SYNJ2BP: variants seen among roughly 807,000 people sequenced by gnomAD.
The protein encoded by SYNJ2BP is synaptojanin-2-binding protein.
Under a neutral mutation model 16.9 loss-of-function variants are expected in SYNJ2BP, and 10 were observed. That is an observed-to-expected ratio of 0.59 (90% confidence interval 0.36 to 1.00). SYNJ2BP has a LOEUF of 1.00. Ranked by LOEUF, SYNJ2BP falls within the 50% of genes least tolerant of loss-of-function variation. The pLI, the probability that SYNJ2BP is intolerant of heterozygous loss-of-function variation, is 0.01. For missense variants in SYNJ2BP, 162 were observed against 186.7 expected (o/e 0.87, Z 0.77); for synonymous variants, 54 against 68.4 (o/e 0.79, Z 1.04).
Position 70,373,077 on chromosome 14 carries a change from T to C in SYNJ2BP, c.352A>G (p.Ile118Val). The C allele has an allele frequency of 6.2e-7, 1 of 1,614,184 alleles. No individual in the cohort carries two copies. Among genetic ancestry groups the C allele is most frequent in the Non-Finnish European group, 8.5e-7 (1 of 1,180,034 alleles). The change falls in exon 4 of 4, where the codon ATT (isoleucine) becomes GTT (valine). Residue 118 changes from isoleucine (I) to valine (V), a missense_variant. Transcript: ENST00000256366. Reference sequence around the variant, plus strand: ...GGCACCAGCACCATAAATATGGGAATACCACTTGGGTCCCCTTCACCTCGA... The same window carrying C: ...GGCACCAGCACCATAAATATGGGAACACCACTTGGGTCCCCTTCACCTCGA... ...GHRGEGDPSG[I>V]PIFMVLVPVF...
rs1887468966 is a variant in SYNJ2BP, at chr14:70,369,396, A to G, written c.*3595T>C. On this transcript the variant is annotated 3_prime_UTR_variant, in exon 4 of 4. Coordinates refer to ENST00000256366, the MANE Select transcript of SYNJ2BP (RefSeq NM_018373.3). The stretch of plus-strand genomic sequence containing the variant: ...AGGCATGAGCCACCATGCCCAGCCT[A>G]TGAACTTGCTTTTCTAACAAGTTCC... 6.6e-6 allele frequency: 1 copy of G among 152,240 alleles called. No individual in the cohort carries two copies. The highest frequency in any genetic ancestry group is 2.4e-5 in the African/African-American group (1 of 41,466). The allele number at this position is 152,240 out of a possible 1,614,324, so 9.4% of individuals were successfully genotyped here. A position where few individuals can be genotyped will look rare whatever the true frequency, so the allele number is the denominator to read the frequency against.
chr14:70,385,392 C>T (rs578059996), intron 2 of SYNJ2BP, among the ~76,000 whole-genome samples: 126 of 151,942 alleles, frequency 8.3e-4, no homozygotes, highest in Non-Finnish European at 1.5e-3. Flanking sequence ...AGTCTCACTC[C>T]GTCGCCCAGG....
At chr14:70,390,397 G>A (rs997579253) in intron 1 of SYNJ2BP, among the ~76,000 whole-genome samples, 6 of 151,846 alleles carry the variant, frequency 4.0e-5, no homozygotes, top group South Asian at 4.2e-4. Flanking sequence ...GGCCGGGCGC[G>A]GTGGCTCACG....
chr14:70,396,083 G>C (rs181611632), intron 1 of SYNJ2BP, among the ~76,000 whole-genome samples: 34 of 152,176 alleles, frequency 2.2e-4, no homozygotes, highest in African/African-American at 7.9e-4. Flanking sequence ...TGTGAACACT[G>C]GTGTACAAAT....
Position 70,371,886 on chromosome 14 carries a change from G to T in SYNJ2BP, c.*1105C>A, listed in dbSNP as rs1887525621. ...GTCCTTTTAGAGTTTTCTTGCTGGG[G>T]TGTTTGGCTCCAGCACTATAGCCCT... On this transcript the variant is annotated 3_prime_UTR_variant, in exon 4 of 4. Coordinates refer to ENST00000256366, the MANE Select transcript of SYNJ2BP (RefSeq NM_018373.3). The T allele has an allele frequency of 6.6e-6, 1 of 152,162 alleles. No homozygotes were observed. The highest frequency in any genetic ancestry group is 2.4e-5 in the African/African-American group (1 of 41,426). 9.4% of individuals were successfully genotyped at this position (152,162 alleles called of 1,614,324 possible).
At chr14:70,373,499 G>C (rs1213964637) in intron 3 of SYNJ2BP, among the ~76,000 whole-genome samples, 2 of 152,162 alleles carry the variant, frequency 1.3e-5, no homozygotes, top group Non-Finnish European at 2.9e-5. Context: ...TACTTGGTGA[G>C]GAAGAAGGGG....
chr14:70,385,952 C>T (rs1887851044), intron 2 of SYNJ2BP, among the ~76,000 whole-genome samples: 1 of 152,162 alleles, frequency 6.6e-6, no homozygotes, highest in Non-Finnish European at 1.5e-5. Context: ...AAATAAATTT[C>T]AAGTTCTTAG....
At chr14:70,388,862 T>C (rs1325105726) in intron 1 of SYNJ2BP, among the ~76,000 whole-genome samples, 1 of 151,546 alleles carries the variant, frequency 6.6e-6, no homozygotes, top group Non-Finnish European at 1.5e-5. Context: ...GTTCAATATA[T>C]AAAGAAAGAT....
chr14:70,411,094 G>A (rs186050625), intron 1 of SYNJ2BP, among the ~76,000 whole-genome samples: 1 of 152,230 alleles, frequency 6.6e-6, no homozygotes, highest in Admixed American at 6.5e-5. Flanking sequence ...AGACATAAGT[G>A]AGAAAGCATA....
chr14:70,387,109 T>C (rs746796910), intron 2 of SYNJ2BP, among the ~76,000 whole-genome samples: 1 of 152,132 alleles, frequency 6.6e-6, no homozygotes, highest in Non-Finnish European at 1.5e-5. Context: ...GTCTAGCCCT[T>C]TGAAGCCAGC....
Position 70,396,263 on chromosome 14 carries a change from G to A in SYNJ2BP, c.65-7657C>T, listed in dbSNP as rs541455108. On this transcript the variant is annotated intron_variant, in intron 1 of 3. Transcript: ENST00000256366. ...CTCCTGAGTAACTGGGATTACAAGC[G>A]CCTGCCACCACGCCTGGCTAATTTT... Among the ~76,000 whole-genome samples the A allele has an allele frequency of 3.9e-5, 6 of 152,148 alleles. No individual in the cohort carries two copies. In the East Asian group the frequency reaches 7.7e-4, roughly 20 times the overall value.
intron 3 of SYNJ2BP, among the ~76,000 whole-genome samples, chr14:70,375,415 G>A (rs1197853321): frequency 6.6e-6 from 1 of 151,940 alleles, no homozygotes; most frequent in Admixed American, 6.6e-5. Flanking sequence ...GGCCAGGCTG[G>A]TCTCGAACTC....
chr14:70,389,565 C>CA lies in SYNJ2BP; in HGVS notation c.65-960dup, dbSNP rs1470654443. Among the ~76,000 whole-genome samples the CA allele has an allele frequency of 2.0e-5, 3 of 152,088 alleles. No homozygotes were observed. In the East Asian group the frequency reaches 5.8e-4, roughly 29 times the overall value. ...ATCCCTTATCCAAAATGCTTAGGAC[C>CA]AAATGTGTTTTGAATTTTGAATTTG... On this transcript the variant is annotated intron_variant, in intron 1 of 3. Transcript: ENST00000256366.
chr14:70,378,853 A>AT (rs1439069098), intron 2 of SYNJ2BP, among the ~76,000 whole-genome samples: 1 of 152,214 alleles, frequency 6.6e-6, no homozygotes, highest in Non-Finnish European at 1.5e-5. Flanking sequence ...ATAGCTACAG[A>AT]TAACAGGTTA....
intron 1 of SYNJ2BP, among the ~76,000 whole-genome samples, chr14:70,413,163 TAGGAA>T (rs1321604382): frequency 6.6e-6 from 1 of 152,118 alleles, no homozygotes; most frequent in African/African-American, 2.4e-5. Flanking sequence ...TTCCAAATGG[TAGGAA>T]ACATAAAATA....
In SYNJ2BP at chr14:70,366,561, A is replaced by G. The variant is rs1887391861; in HGVS notation, c.*6430T>C. Reference sequence around the variant, plus strand: ...CTGGCTAGGCACAATTAGACACATTATTATCTCATTTGCTGTATCTGGTAT... The same window carrying G: ...CTGGCTAGGCACAATTAGACACATTGTTATCTCATTTGCTGTATCTGGTAT... On this transcript the variant is annotated 3_prime_UTR_variant, in exon 4 of 4. Transcript: ENST00000256366. The G allele has an allele frequency of 6.6e-6, 1 of 152,218 alleles. No homozygotes were observed. Among genetic ancestry groups the G allele is most frequent in the Non-Finnish European group, 1.5e-5 (1 of 68,040 alleles). The allele number at this position is 152,218 out of a possible 1,614,324, so 9.4% of individuals were successfully genotyped here.
chr14:70,388,926 C>CT (rs201784694), intron 1 of SYNJ2BP, among the ~76,000 whole-genome samples: 5,572 of 137,258 alleles, frequency 0.041, 236 homozygotes, highest in African/African-American at 0.11. Context: ...TCTTCTTTTT[C>CT]TTTTTTTTTT....
At chr14:70,383,980 T>C (rs1887805486) in intron 2 of SYNJ2BP, among the ~76,000 whole-genome samples, 1 of 151,112 alleles carries the variant, frequency 6.6e-6, no homozygotes, top group African/African-American at 2.4e-5. Context: ...TTTTTTGAGA[T>C]GGAGTCTTGC....
At chr14:70,415,220 C>T (rs1444946378) in intron 1 of SYNJ2BP, among the ~76,000 whole-genome samples, 1 of 149,166 alleles carries the variant, frequency 6.7e-6, no homozygotes, top group East Asian at 2.0e-4. Flanking sequence ...AGTTATATTC[C>T]GATAAGTAAA....
Sources: gnomAD v4.1 joint callset for allele counts (sites outside exome capture counted in the v4.1 genomes callset) on GRCh38, gnomAD v4.1.1 for gene constraint, MANE v1.5 for transcripts, NCBI Gene and HGNC (gene_info 2026-07-23, HGNC 2026-07-21) for gene names.